LCOR: variants seen among roughly 807,000 people sequenced by gnomAD.
LCOR encodes the protein ligand dependent nuclear receptor corepressor.
A neutral mutation model predicts 64.4 loss-of-function variants in LCOR; 14 were observed. The ratio of observed to expected loss-of-function variants is 0.22; its 90% CI spans 0.14 to 0.34. LCOR has a LOEUF of 0.34. Among genes scored for constraint, LCOR ranks in the 10% least tolerant of loss-of-function variants. The pLI is 1.00. For missense variants in LCOR, 1,686 were observed against 1,765.3 expected (o/e 0.96, Z 0.80); for synonymous variants, 643 against 642.5 (o/e 1.00, Z -0.01).
In LCOR at chr10:96,985,341, A is replaced by G. The variant is rs1848140331; in HGVS notation, c.*207A>G. ...CTGAGGCTAAGGGAAGTTATATATT[A>G]TATTCTGGTTGTTCCTTGGGTTTTA... On this transcript the variant is annotated 3_prime_UTR_variant, in exon 8 of 8. Coordinates refer to ENST00000421806, the MANE Select transcript of LCOR (RefSeq NM_001346516.2). The G allele has an allele frequency of 3.7e-6, 2 of 543,656 alleles. No individual in the cohort carries two copies. Among genetic ancestry groups the G allele is most frequent in the Non-Finnish European group, 5.9e-6 (2 of 339,228 alleles). 33.7% of individuals were successfully genotyped at this position (543,656 alleles called of 1,614,324 possible).
chr10:96,833,200 C>G (rs1845377271), intron 1 of LCOR: 1 of 984,540 alleles, frequency 1.0e-6, no homozygotes, highest in Non-Finnish European at 1.2e-6. Context: ...CGGCGGGGGT[C>G]GCTCTCGTCC....
intron 2 of LCOR, among the ~76,000 whole-genome samples, chr10:96,841,370 T>C (rs1845537770): frequency 6.6e-6 from 1 of 151,386 alleles, no homozygotes; most frequent in Non-Finnish European, 1.5e-5. Flanking sequence ...CACTTTTTTT[T>C]TTTTTTTTTT....
chr10:96,964,909 C>T (rs1213046833), intron 7 of LCOR, among the ~76,000 whole-genome samples: 3 of 151,210 alleles, frequency 2.0e-5, no homozygotes, highest in African/African-American at 7.4e-5. Context: ...CATTGTCAGT[C>T]AGTTAAGGTT....
intron 7 of LCOR, among the ~76,000 whole-genome samples, chr10:96,964,708 G>T (rs1032453008): frequency 6.6e-6 from 1 of 151,958 alleles, no homozygotes; most frequent in Non-Finnish European, 1.5e-5. Flanking sequence ...TTCTTCATTG[G>T]ATTATTCATT....
intron 2 of LCOR, among the ~76,000 whole-genome samples, chr10:96,851,198 T>G (rs542169242): frequency 1.3e-5 from 2 of 152,354 alleles, no homozygotes; most frequent in African/African-American, 4.8e-5. Context: ...GGATGATGAC[T>G]GCAGGATTCT....
intron 2 of LCOR, among the ~76,000 whole-genome samples, chr10:96,840,478 A>G (rs1845521094): frequency 2.0e-5 from 3 of 152,234 alleles, no homozygotes; most frequent in Admixed American, 2.0e-4. Context: ...AGAGCAGGAT[A>G]CGTCAGGGTT....
chr10:96,833,176 C>G (rs1845376577), intron 1 of LCOR: 4 of 985,384 alleles, frequency 4.1e-6, no homozygotes, highest in Non-Finnish European at 4.8e-6. Flanking sequence ...GGACCGGGTC[C>G]GACCGAGGAG....
At chr10:96,957,934 C>T in intron 7 of LCOR, 1 of 986,510 alleles carries the variant, frequency 1.0e-6, no homozygotes, top group Non-Finnish European at 1.2e-6. Flanking sequence ...TTTTATGATT[C>T]TACAATATTT....
intron 2 of LCOR, among the ~76,000 whole-genome samples, chr10:96,902,517 A>T (rs567413409): frequency 2.6e-5 from 4 of 152,248 alleles, no homozygotes; most frequent in Non-Finnish European, 5.9e-5. Context: ...ATTTAATAAC[A>T]TGCTGAGATA....
chr10:96,986,590 T>C lies in LCOR; in HGVS notation c.*1456T>C, dbSNP rs1425972833. ...GAGAGCCACAATGTTTTAATGACTT[T>C]GTTTGCCTTTCCCAGGTGAAGCCTG... On this transcript the variant is annotated 3_prime_UTR_variant, in exon 8 of 8. Transcript: ENST00000421806. 2 of 152,276 alleles carry C rather than the reference T, an allele frequency of 1.3e-5. No homozygotes were observed. The highest frequency in any genetic ancestry group is 2.1e-4 in the South Asian group (1 of 4,836). The allele number at this position is 152,276 out of a possible 1,614,324, so 9.4% of individuals were successfully genotyped here.
intron 7 of LCOR, among the ~76,000 whole-genome samples, chr10:96,954,256 C>T (rs1401296700): frequency 1.3e-5 from 2 of 151,922 alleles, no homozygotes; most frequent in Admixed American, 1.3e-4. Context: ...AAAATGAAGA[C>T]GTGTGGTAAG....
At chr10:96,856,955 TG>T (rs1845815252) in intron 2 of LCOR, among the ~76,000 whole-genome samples, 1 of 152,006 alleles carries the variant, frequency 6.6e-6, no homozygotes, top group Admixed American at 6.6e-5. Context: ...GGGAACAGTA[TG>T]GGGGAAGATC....
intron 2 of LCOR, among the ~76,000 whole-genome samples, chr10:96,877,853 C>T (rs910674624): frequency 2.6e-5 from 4 of 152,128 alleles, no homozygotes; most frequent in East Asian, 3.9e-4. Context: ...CCTCGTGATC[C>T]GCCTGCCTCG....
At chr10:96,938,912 A>C (rs1330987213) in intron 4 of LCOR, among the ~76,000 whole-genome samples, 1 of 152,244 alleles carries the variant, frequency 6.6e-6, no homozygotes, top group Non-Finnish European at 1.5e-5. Flanking sequence ...AAGACTTAAA[A>C]TTGTTACTAT....
intron 2 of LCOR, among the ~76,000 whole-genome samples, chr10:96,882,791 G>A (rs1846283910): frequency 6.6e-6 from 1 of 152,006 alleles, no homozygotes; most frequent in African/African-American, 2.4e-5. Flanking sequence ...CCATAGTTTT[G>A]TCTTTTCCAG....
chr10:96,907,050 G>A (rs1453426129), intron 2 of LCOR, among the ~76,000 whole-genome samples: 1 of 152,190 alleles, frequency 6.6e-6, no homozygotes, highest in East Asian at 1.9e-4. Context: ...GTTCTTGAAT[G>A]TGCTCAGAAT....
intron 2 of LCOR, 40 bp downstream of exon 2, chr10:96,833,519 C>G: frequency 1.1e-6 from 1 of 872,218 alleles, no homozygotes; most frequent in Non-Finnish European, 1.4e-6. Context: ...GCCCGCCGCC[C>G]CCTAGCCCCA....
chr10:96,971,882 ACT>A (rs1848002225), intron 7 of LCOR, among the ~76,000 whole-genome samples: 1 of 151,944 alleles, frequency 6.6e-6, no homozygotes, highest in South Asian at 2.1e-4. Context: ...AGGCCTTATA[ACT>A]CTTACGTCTG....
intron 2 of LCOR, among the ~76,000 whole-genome samples, chr10:96,882,329 G>T (rs540905163): frequency 1.1e-4 from 17 of 152,266 alleles, no homozygotes; most frequent in Admixed American, 6.5e-4. Context: ...ATACAGAAAG[G>T]TTGTTGGAAA....
Sources: gnomAD v4.1 joint callset for allele counts (sites outside exome capture counted in the v4.1 genomes callset) on GRCh38, gnomAD v4.1.1 for gene constraint, MANE v1.5 for transcripts, NCBI Gene and HGNC (gene_info 2026-07-23, HGNC 2026-07-21) for gene names.